TSPAN13: variants seen among roughly 807,000 people sequenced by gnomAD.
TSPAN13 encodes the protein tetraspanin 13.
In TSPAN13, 18 loss-of-function variants were observed where a neutral mutation model predicts 26.9. The ratio of observed to expected loss-of-function variants is 0.67; its 90% confidence interval spans 0.46 to 0.99. The LOEUF (loss-of-function observed/expected upper bound fraction) is 0.99. Among genes scored for constraint, TSPAN13 ranks in the 50% least tolerant of loss-of-function variants. The pLI is 0.00. For synonymous variants in TSPAN13, 116 were observed against 98.4 expected, an observed-to-expected ratio of 1.18 and a Z score of -1.06; for missense variants, 201 against 249.6, an observed-to-expected ratio of 0.81 and a Z score of 1.31.
At chr7:16,781,207 A>G (rs1040611776) in intron 5 of TSPAN13, among the ~76,000 whole-genome samples, 1 of 152,248 alleles carries the variant, frequency 6.6e-6, no homozygotes, top group African/African-American at 2.4e-5. Flanking sequence ...ATGAAAAATT[A>G]GACGTAGCTA....
chr7:16,757,180 G>A (rs1159757845), intron 1 of TSPAN13, among the ~76,000 whole-genome samples: 2 of 152,286 alleles, frequency 1.3e-5, no homozygotes, highest in Non-Finnish European at 2.9e-5. Flanking sequence ...GTGGGTTAGA[G>A]AAGTTGGGGG....
chr7:16,768,623 C>A (rs930696427), intron 1 of TSPAN13, among the ~76,000 whole-genome samples: 50 of 152,184 alleles, frequency 3.3e-4, no homozygotes, highest in Non-Finnish European at 1.8e-4. Context: ...TTTTCCTTAC[C>A]CACAAAGTCA....
intron 1 of TSPAN13, among the ~76,000 whole-genome samples, chr7:16,768,355 A>T (rs1347378058): frequency 2.0e-5 from 3 of 152,194 alleles, no homozygotes; most frequent in African/African-American, 7.2e-5. Context: ...AAAAACACAG[A>T]TCTACAGCCA....
chr7:16,773,263 C>G (rs1488236131), intron 1 of TSPAN13, among the ~76,000 whole-genome samples: 1 of 151,664 alleles, frequency 6.6e-6, no homozygotes, highest in African/African-American at 2.4e-5. Flanking sequence ...AAACTACAGC[C>G]CACAGCCAGA....
chr7:16,754,709 T>G (rs1784463111), intron 1 of TSPAN13, among the ~76,000 whole-genome samples: 2 of 152,180 alleles, frequency 1.3e-5, no homozygotes, highest in Admixed American at 6.5e-5. Flanking sequence ...CTCCAGGAAA[T>G]AAGCGAGCCC....
chr7:16,784,368 A>T lies in TSPAN13; in HGVS notation c.*877A>T, dbSNP rs1009275743. The T allele has an allele frequency of 3.2e-4, 48 of 152,226 alleles. No individual in the cohort carries two copies. The highest frequency in any genetic ancestry group is 1.1e-3 in the African/African-American group (46 of 41,470). The allele number at this position is 152,226 out of a possible 1,614,324, so 9.4% of individuals were successfully genotyped here. ...TTTCATGAAATTTCTCAGTATTGTA[A>T]CAGCAACTTGTCAAACCTAAGCATA... On this transcript the variant is annotated 3_prime_UTR_variant, in exon 6 of 6. Transcript: ENST00000262067.
At chr7:16,759,688 T>A (rs1310667398) in intron 1 of TSPAN13, among the ~76,000 whole-genome samples, 1 of 144,106 alleles carries the variant, frequency 6.9e-6, no homozygotes, top group Non-Finnish European at 1.5e-5. Flanking sequence ...TTTTTTTTCT[T>A]TTCTTTCTTT....
intron 1 of TSPAN13, among the ~76,000 whole-genome samples, chr7:16,759,086 G>A (rs758300379): frequency 7.9e-5 from 12 of 152,114 alleles, no homozygotes; most frequent in African/African-American, 1.9e-4. Flanking sequence ...AAAATAAAGC[G>A]GAGTAAAAGG....
intron 1 of TSPAN13, among the ~76,000 whole-genome samples, chr7:16,766,384 A>C (rs1051436900): frequency 2.6e-5 from 4 of 152,184 alleles, no homozygotes; most frequent in African/African-American, 9.7e-5. Flanking sequence ...GGCCCTTACA[A>C]ATGAGAATGT....
At chr7:16,776,019 A>G (rs531566298) in intron 1 of TSPAN13, 192 bp from the exon 2 acceptor site, 1 of 466,094 alleles carries the variant, frequency 2.1e-6, no homozygotes, top group Non-Finnish European at 3.7e-6. Flanking sequence ...ACGCCTGGGG[A>G]TTAATGTAAT....
chr7:16,777,973 G>T, intron 4 of TSPAN13, 62 bp downstream of exon 4: 2 of 1,179,368 alleles, frequency 1.7e-6, no homozygotes, highest in South Asian at 1.5e-5. Flanking sequence ...TGATTAATGT[G>T]GAAGAAATGG....
chr7:16,781,127 G>T (rs539675659), intron 5 of TSPAN13, among the ~76,000 whole-genome samples: 22 of 152,000 alleles, frequency 1.4e-4, no homozygotes, highest in Non-Finnish European at 2.5e-4. Flanking sequence ...CATTGATTTA[G>T]AATCTGAAAA....
chr7:16,757,510 A>G (rs1215742385), intron 1 of TSPAN13, among the ~76,000 whole-genome samples: 1 of 152,164 alleles, frequency 6.6e-6, no homozygotes, highest in Non-Finnish European at 1.5e-5. Context: ...AAACAACCAA[A>G]AAAAAGGTAG....
In TSPAN13 at chr7:16,753,831, C is replaced by T. The variant is rs528323546; in HGVS notation, c.-137C>T. The T allele has an allele frequency of 1.9e-4, 173 of 928,534 alleles. No individual in the cohort carries two copies. The African/African-American group carries it at 2.4e-3, about 13-fold the overall frequency. 57.5% of individuals were successfully genotyped at this position (928,534 alleles called of 1,614,324 possible). On this transcript the variant is annotated 5_prime_UTR_variant, in exon 1 of 6. Transcript: ENST00000262067. ...GCGCGCGCGCCGCGCACTGCAGCCCCAGGCCCCGGCCCCCCACCCACGTCT... is the reference window on the plus strand; with the variant it reads ...GCGCGCGCGCCGCGCACTGCAGCCCTAGGCCCCGGCCCCCCACCCACGTCT...
chr7:16,772,934 C>T (rs1338149703), intron 1 of TSPAN13, among the ~76,000 whole-genome samples: 1 of 151,834 alleles, frequency 6.6e-6, no homozygotes, highest in African/African-American at 2.4e-5. Flanking sequence ...AGGTGGAGGT[C>T]GCAGTGAGCC....
intron 1 of TSPAN13, among the ~76,000 whole-genome samples, chr7:16,770,356 C>T (rs1268461063): frequency 6.6e-6 from 1 of 152,024 alleles, no homozygotes; most frequent in Non-Finnish European, 1.5e-5. Context: ...CAGGTGCCCA[C>T]CATCACACCC....
rs1784770503 is a variant in TSPAN13 at position 16,777,829 on chromosome 7, C to T, written c.344C>T (p.Thr115Met). 5.0e-6 allele frequency: 8 copies of T among 1,613,798 alleles called. No homozygotes were observed. Among genetic ancestry groups the T allele is most frequent in the East Asian group, 2.2e-5 (1 of 44,862 alleles). The change falls in exon 4 of 6, where the codon ACG (threonine) becomes ATG (methionine). Residue 115 changes from threonine (T) to methionine (M), a missense_variant. Transcript: ENST00000262067. ...CTTCTGGAGGTTGGTTGGAACAATA[C>T]GGCAAGTGCTCGAAATGACATCCAG... Reference protein sequence around the residue: ...GQLLEVGWNNTASARNDIQRN... With the variant: ...GQLLEVGWNNMASARNDIQRN...
Position 16,784,088 on chromosome 7 carries a change from A to T in TSPAN13, c.*597A>T, listed in dbSNP as rs987844163. 9 of 152,662 alleles carry T rather than the reference A, an allele frequency of 5.9e-5. No homozygotes were observed. Among genetic ancestry groups the T allele is most frequent in the African/African-American group, 2.2e-4 (9 of 41,438 alleles). 9.5% of individuals were successfully genotyped at this position (152,662 alleles called of 1,614,324 possible). A position where few individuals can be genotyped will look rare whatever the true frequency, so the allele number is the denominator to read the frequency against. On this transcript the variant is annotated 3_prime_UTR_variant, in exon 6 of 6. Transcript: ENST00000262067. ...GTTATGTCTTAGGAAATTGTGGTTT[A>T]ATTTTTGACTTTTACAGGTAAGTGC... is the stretch of plus-strand genomic sequence containing the variant.
At chr7:16,777,681 T>C in intron 3 of TSPAN13, 117 bp from the exon 4 acceptor site, 1 of 643,474 alleles carries the variant, frequency 1.6e-6, no homozygotes, top group Non-Finnish European at 2.4e-6. Flanking sequence ...TGAAAAGTTT[T>C]AAGGATTTTT....
Sources: allele counts gnomAD v4.1 joint callset (sites outside exome capture counted in the v4.1 genomes callset), GRCh38; gene constraint gnomAD v4.1.1; transcripts MANE v1.5; gene names NCBI Gene and HGNC (gene_info 2026-07-23, HGNC 2026-07-21).